Variants in PARD3B observed in about 807,000 individuals in gnomAD.
The protein encoded by PARD3B is partitioning defective 3 homolog B.
A neutral mutation model predicts 130.2 loss-of-function variants in PARD3B; 103 were observed. The ratio of observed to expected loss-of-function variants is 0.79; its 90% CI spans 0.67 to 0.93. The LOEUF is 0.93. PARD3B is among the 40% of genes least tolerant of loss of function. The pLI is 0.00. For missense variants in PARD3B, 1,609 were observed against 1,499.2 expected (o/e 1.07, Z -1.21); for synonymous variants, 583 against 553.2 (o/e 1.05, Z -0.76).
chr2:204,622,973 A>T (rs747715529), intron 1 of PARD3B, among the ~76,000 whole-genome samples: 1 of 152,206 alleles, frequency 6.6e-6, no homozygotes, highest in Non-Finnish European at 1.5e-5. Context: ...ATACGTTCCC[A>T]TTATGATATA....
intron 2 of PARD3B, among the ~76,000 whole-genome samples, chr2:204,932,764 C>G (rs1173827100): frequency 1.3e-5 from 2 of 152,238 alleles, no homozygotes; most frequent in East Asian, 3.9e-4. Flanking sequence ...AATAAACAGA[C>G]AAAACCATCA....
At chr2:204,914,524 G>A (rs987587528) in intron 2 of PARD3B, among the ~76,000 whole-genome samples, 5 of 152,190 alleles carry the variant, frequency 3.3e-5, no homozygotes, top group African/African-American at 1.2e-4. Flanking sequence ...TGGGATGTGT[G>A]ACTGGAAGGG....
chr2:204,667,346 A>G (rs1315923393), intron 1 of PARD3B, among the ~76,000 whole-genome samples: 2 of 151,728 alleles, frequency 1.3e-5, no homozygotes, highest in Non-Finnish European at 2.9e-5. Context: ...CAATTTTTTT[A>G]CCTTAAATAT....
chr2:204,989,164 G>C (rs186472101), intron 3 of PARD3B, among the ~76,000 whole-genome samples: 8 of 152,218 alleles, frequency 5.3e-5, no homozygotes, highest in Admixed American at 2.6e-4. Flanking sequence ...AAAGGAGCTG[G>C]GGAGGGTAAG....
chr2:204,814,097 G>A (rs919433552), intron 2 of PARD3B, among the ~76,000 whole-genome samples: 16 of 151,992 alleles, frequency 1.1e-4, no homozygotes, highest in African/African-American at 3.9e-4. Flanking sequence ...TATGAAGAAG[G>A]TATAACATAT....
intron 15 of PARD3B, among the ~76,000 whole-genome samples, chr2:205,237,285 A>G (rs1243758229): frequency 6.6e-6 from 1 of 152,128 alleles, no homozygotes; most frequent in African/African-American, 2.4e-5. Flanking sequence ...TATTTTCAGT[A>G]GAGACGGGGT....
intron 20 of PARD3B, among the ~76,000 whole-genome samples, chr2:205,492,414 A>T (rs1004613666): frequency 7.9e-5 from 12 of 152,240 alleles, no homozygotes; most frequent in African/African-American, 2.9e-4. Context: ...AATCAACAAG[A>T]TAACTTAAAT....
intron 19 of PARD3B, among the ~76,000 whole-genome samples, chr2:205,422,725 G>A (rs1469512140): frequency 6.6e-6 from 1 of 152,160 alleles, no homozygotes; most frequent in Non-Finnish European, 1.5e-5. Flanking sequence ...AACATGAAGA[G>A]ATTTCCTATG....
chr2:204,781,905 G>C (rs1166321269), intron 2 of PARD3B, among the ~76,000 whole-genome samples: 4 of 151,986 alleles, frequency 2.6e-5, no homozygotes, highest in African/African-American at 4.8e-5. Flanking sequence ...TGCCATTTCA[G>C]ATCTCTTATT....
intron 2 of PARD3B, among the ~76,000 whole-genome samples, chr2:204,857,982 A>G (rs919099917): frequency 2.6e-5 from 4 of 152,136 alleles, no homozygotes; most frequent in African/African-American, 4.8e-5. Flanking sequence ...ACACTTGGTA[A>G]TTTGGATTTG....
chr2:205,429,730 T>C (rs1027061308), intron 19 of PARD3B, among the ~76,000 whole-genome samples: 1 of 152,228 alleles, frequency 6.6e-6, no homozygotes, highest in African/African-American at 2.4e-5. Context: ...ATTGGTTTCA[T>C]AGGGCCGCCA....
chr2:204,658,209 A>T (rs547841919), intron 1 of PARD3B, among the ~76,000 whole-genome samples: 1 of 152,228 alleles, frequency 6.6e-6, no homozygotes, highest in African/African-American at 2.4e-5. Context: ...AGTTAAAAAA[A>T]AAATCTATCT....
At position 204,909,678 on chromosome 2, in the gene PARD3B, A is replaced by G. The variant is rs548580742; in HGVS notation, c.223-55474A>G. Among the ~76,000 whole-genome samples, 10 of 152,262 alleles carry G rather than the reference A, an allele frequency of 6.6e-5. No homozygotes were observed. The East Asian group carries it at 1.9e-3, about 29-fold the overall frequency. On this transcript the variant is annotated intron_variant, in intron 2 of 22. Coordinates refer to ENST00000406610, the MANE Select transcript of PARD3B (RefSeq NM_001302769.2). Reference sequence around the variant, plus strand: ...TAAGCTTATATAATCAGTTGTTAATACTGATTAACAGGGTTGGCATGGGGT... The same window carrying G: ...TAAGCTTATATAATCAGTTGTTAATGCTGATTAACAGGGTTGGCATGGGGT...
chr2:205,116,042 A>G lies in PARD3B; in HGVS notation c.680+2465A>G, dbSNP rs1280316441. On this transcript the variant is annotated intron_variant, in intron 6 of 22. Coordinates refer to ENST00000406610, the MANE Select transcript of PARD3B (RefSeq NM_001302769.2). The surrounding 1 kb of genome is among the most constrained non-coding windows in gnomAD (Gnocchi z 4.5). ...TAAATTATAGTGGCTGCTCTGCTAG[A>G]TAAAGCCTCAATGAATTCATTAGAT... Among the ~76,000 whole-genome samples the G allele has an allele frequency of 6.6e-6, 1 of 152,152 alleles. No individual in the cohort carries two copies. The highest frequency in any genetic ancestry group is 1.5e-5 in the Non-Finnish European group (1 of 68,034).
At chr2:205,416,398 C>T (rs539970943) in intron 19 of PARD3B, among the ~76,000 whole-genome samples, 11 of 152,182 alleles carry the variant, frequency 7.2e-5, no homozygotes, top group South Asian at 2.1e-4. Context: ...TACCTGTTTT[C>T]ATGCTGTGTA....
intron 15 of PARD3B, among the ~76,000 whole-genome samples, chr2:205,204,481 T>C (rs773784074): frequency 1.8e-4 from 28 of 152,228 alleles, no homozygotes; most frequent in Non-Finnish European, 3.7e-4. Context: ...ATTTTGGCTT[T>C]TGTTGCCATT....
At chr2:204,781,272 CA>C (rs1433226781) in intron 2 of PARD3B, among the ~76,000 whole-genome samples, 1 of 151,922 alleles carries the variant, frequency 6.6e-6, no homozygotes, top group Non-Finnish European at 1.5e-5. Flanking sequence ...ATTTGTTGAG[CA>C]AATTAATGAC....
intron 2 of PARD3B, among the ~76,000 whole-genome samples, chr2:204,730,223 C>T (rs990527504): frequency 1.2e-4 from 18 of 151,960 alleles, no homozygotes; most frequent in African/African-American, 4.3e-4. Flanking sequence ...TACAGTCACC[C>T]ACCACCATGC....
In PARD3B at chr2:205,565,958, G is replaced by A. The variant is rs114244336; in HGVS notation, c.3260+12555G>A. Among the ~76,000 whole-genome samples, 308 of 150,464 alleles carry A rather than the reference G, an allele frequency of 2.0e-3. 1 individual carries two copies. Among genetic ancestry groups the A allele is most frequent in the African/African-American group, 7.3e-3 (301 of 41,110 alleles). On this transcript the variant is annotated intron_variant, in intron 22 of 22. Transcript: ENST00000406610. ...GATATGTGATCCAAGAAAATAGAAT[G>A]TGAAATTGCACCAAATCAAGAAGGG...
Sources: allele counts gnomAD v4.1 joint callset (sites outside exome capture counted in the v4.1 genomes callset), GRCh38; gene constraint gnomAD v4.1.1; non-coding constraint Gnocchi (gnomAD v3.1); transcripts MANE v1.5; gene names NCBI Gene and HGNC (gene_info 2026-07-23, HGNC 2026-07-21).